SYNE2: variants seen among roughly 807,000 people sequenced by gnomAD.
SYNE2 encodes nesprin-2.
SYNE2 carries 431 observed loss-of-function variants against 856.3 expected under a neutral mutation model. The observed-to-expected ratio is 0.50, with a 90% confidence interval of 0.47 to 0.55. SYNE2 has a LOEUF of 0.55. SYNE2 is among the 20% of genes least tolerant of loss of function. SYNE2 has a pLI of 0.00. For missense variants in SYNE2, 8,129 were observed against 8,023.2 expected (o/e 1.01, Z -0.50); for synonymous variants, 2,923 against 2,872.3 (o/e 1.02, Z -0.56).
chr14:63,823,182 CT>C lies in SYNE2; in HGVS notation c.-304-29306del, dbSNP rs775294170. On this transcript the variant is annotated intron_variant, in intron 1 of 23. Coordinates refer to the SYNE2 transcript ENST00000674003. ...ACTTCTCAGCTGAAGTCTACCAAAT[CT>C]TTTTTTTTTTTTGAGACGGAGTTTC... 2.0e-3 allele frequency among the ~76,000 whole-genome samples: 293 copies of C among 144,020 alleles called. 1 individual carries two copies. Among genetic ancestry groups the C allele is most frequent in the South Asian group, 6.6e-3 (30 of 4,512 alleles). The allele number at this position is 144,020 out of a possible 152,430, so 94.5% of individuals were successfully genotyped here.
rs1199251112 is a variant in SYNE2 at position 64,002,836 on chromosome 14, A to G, written c.3903A>G (p.Ile1301Met). 3 of 1,614,198 alleles carry G rather than the reference A, an allele frequency of 1.9e-6. No homozygotes were observed. Among genetic ancestry groups the G allele is most frequent in the Admixed American group, 1.7e-5 (1 of 60,022 alleles). Residue 1301 changes from isoleucine to methionine, a missense_variant, in exon 30 of 116, where the codon ATA becomes ATG. This residue lies in a region of SYNE2 where 2,422 missense variants were observed against 2,357.4 expected (regional missense o/e 1.03). Coordinates refer to ENST00000555002, the MANE Select transcript of SYNE2 (RefSeq NM_182914.3). Reference protein sequence around the residue: ...PFDLHAMQNIILKYKTQFEGM... With the variant: ...PFDLHAMQNIMLKYKTQFEGM... ...ATCTACACGCAATGCAGAATATTATACTGAAATACAAAACACAATTTGAAG... is the reference window on the plus strand; with the variant it reads ...ATCTACACGCAATGCAGAATATTATGCTGAAATACAAAACACAATTTGAAG...
At chr14:63,810,831 A>T (rs1402707250) in intron 1 of SYNE2, among the ~76,000 whole-genome samples, 1 of 152,114 alleles carries the variant, frequency 6.6e-6, no homozygotes, top group Non-Finnish European at 1.5e-5. Context: ...AGAAAGTATT[A>T]GTGAGTATCC....
At chr14:63,927,119 A>G (rs1403843289) in intron 2 of SYNE2, among the ~76,000 whole-genome samples, 4 of 152,172 alleles carry the variant, frequency 2.6e-5, no homozygotes, top group African/African-American at 4.8e-5. Context: ...TCTGTTAAGG[A>G]TTTTGCTCAT....
chr14:63,967,931 G>A, intron 11 of SYNE2, 85 bp downstream of exon 11: 3 of 1,405,732 alleles, frequency 2.1e-6, no homozygotes, highest in Non-Finnish European at 3.0e-6. Context: ...GGGAGACCAA[G>A]GCGGGTGGAT....
intron 6 of SYNE2, among the ~76,000 whole-genome samples, chr14:63,945,312 A>G (rs2096009235): frequency 1.3e-5 from 2 of 151,938 alleles, no homozygotes; most frequent in Non-Finnish European, 2.9e-5. Flanking sequence ...TCTCCCAATC[A>G]CTGCCCTCCT....
chr14:63,842,891 A>G (rs1425471693), intron 1 of SYNE2, among the ~76,000 whole-genome samples: 1 of 152,132 alleles, frequency 6.6e-6, no homozygotes, highest in African/African-American at 2.4e-5. Flanking sequence ...TTTTTCTCAT[A>G]TAAGTCTGCA....
chr14:63,856,934 C>T (rs11158516), intron 1 of SYNE2, among the ~76,000 whole-genome samples: 95,769 of 151,796 alleles, frequency 0.63, 30,684 homozygotes, highest in South Asian at 0.76. Flanking sequence ...CATGCCTGGC[C>T]AACTGTGAAT....
At chr14:63,792,649 A>G (rs1169494986) in intron 1 of SYNE2, among the ~76,000 whole-genome samples, 1 of 107,160 alleles carries the variant, frequency 9.3e-6, no homozygotes, top group South Asian at 3.9e-4. Context: ...GGGATGTTTT[A>G]TTTATTTGTT....
At chr14:63,921,480 G>A (rs1170331519) in intron 2 of SYNE2, among the ~76,000 whole-genome samples, 5 of 152,174 alleles carry the variant, frequency 3.3e-5, no homozygotes, top group African/African-American at 1.2e-4. Context: ...CCGTAGCAGA[G>A]CTTGAGAAGG....
In SYNE2 at chr14:63,977,949, C is replaced by G; in HGVS notation, c.1338C>G (p.Thr446=). ...AGCATCATTCGAACATTCTCCTTAC[C>G]TTTGAAAATAAGGATGAAAATCACT... ...RFEHHSNILL[T]FENKDENHLP... The change falls in exon 13 of 116, where the codon ACC becomes ACG. Residue 446 remains threonine, a synonymous_variant. Coordinates refer to ENST00000555002, the MANE Select transcript of SYNE2 (RefSeq NM_182914.3). 4.3e-6 allele frequency: 7 copies of G among 1,613,906 alleles called. No homozygotes were observed. Among genetic ancestry groups the G allele is most frequent in the Non-Finnish European group, 5.9e-6 (7 of 1,179,868 alleles).
chr14:63,912,558 T>A (rs142100654), intron 2 of SYNE2, among the ~76,000 whole-genome samples: 91 of 152,312 alleles, frequency 6.0e-4, no homozygotes, highest in African/African-American at 2.0e-3. Context: ...AGAAAGTTTT[T>A]ATTTTTCTTT....
chr14:63,803,923 C>T (rs1217164988), intron 1 of SYNE2, among the ~76,000 whole-genome samples: 1 of 152,198 alleles, frequency 6.6e-6, no homozygotes, highest in Non-Finnish European at 1.5e-5. Flanking sequence ...GGGCAGATTT[C>T]CTCCTTGCTG....
intron 42 of SYNE2, among the ~76,000 whole-genome samples, 168 bp downstream of exon 42, chr14:64,026,898 C>T (rs771220378): frequency 6.6e-6 from 1 of 152,192 alleles, no homozygotes; most frequent in African/African-American, 2.4e-5. Flanking sequence ...ACCAGATAAC[C>T]TCATTATCTG....
At chr14:63,848,653 C>A (rs958137380), upstream of SYNE2, among the ~76,000 whole-genome samples, 2 of 152,146 alleles carry the variant, frequency 1.3e-5, no homozygotes, top group African/African-American at 4.8e-5. Flanking sequence ...ATACTTTAAG[C>A]CTTTAGTCTT....
At chr14:64,014,962 TATATATATATATACAC>T (rs1424190445) in intron 32 of SYNE2, among the ~76,000 whole-genome samples, 4 of 45,400 alleles carry the variant, frequency 8.8e-5, no homozygotes, top group Non-Finnish European at 1.9e-4. Context: ...TATATATATA[TATATATATATATACAC>T]ACACACACAC....
In SYNE2 at chr14:64,122,391, A is replaced by T. The variant is rs773568323; in HGVS notation, c.13386A>T (p.Lys4462Asn). ...ATCTGCATCATGAACTCTCATCAAA[A>T]ATAAAGCTCCCACTCCCTCAGCTTG... is the stretch of plus-strand genomic sequence containing the variant. ...WQYLHHELSSKIKLPLPQLVE... is the reference protein window; with the variant it reads ...WQYLHHELSSNIKLPLPQLVE... Residue 4462 changes from lysine to asparagine, a missense_variant, in exon 70 of 116, where the codon AAA (lysine) becomes AAT (asparagine). Physicochemically the swap from Lys to Asn is moderately conservative, Grantham distance 94. Coordinates refer to ENST00000555002, the MANE Select transcript of SYNE2 (RefSeq NM_182914.3). 6.2e-7 allele frequency: 1 copy of T among 1,614,202 alleles called. No individual in the cohort carries two copies. The highest frequency in any genetic ancestry group is 1.1e-5 in the South Asian group (1 of 91,084).
intron 19 of SYNE2, among the ~76,000 whole-genome samples, chr14:63,988,384 A>G (rs1407261318): frequency 6.6e-6 from 1 of 151,670 alleles, no homozygotes; most frequent in East Asian, 1.9e-4. Context: ...AGCTATAAAT[A>G]TTTTCTCTAC....
chr14:63,785,815 A>G (rs1887501189), intron 1 of SYNE2, among the ~76,000 whole-genome samples: 1 of 152,160 alleles, frequency 6.6e-6, no homozygotes, highest in African/African-American at 2.4e-5. Flanking sequence ...AGTTTTGTTA[A>G]GAAAAACAGC....
chr14:63,942,869 G>C (rs1196491835), intron 6 of SYNE2, among the ~76,000 whole-genome samples: 1 of 152,150 alleles, frequency 6.6e-6, no homozygotes, highest in Non-Finnish European at 1.5e-5. Flanking sequence ...GACCTCAGGT[G>C]ATCTGCCTGC....
Sources: allele counts gnomAD v4.1 joint callset (sites outside exome capture counted in the v4.1 genomes callset), GRCh38; gene constraint gnomAD v4.1.1; regional missense constraint gnomAD v4.1.1; transcripts MANE v1.5; gene names NCBI Gene and HGNC (gene_info 2026-07-23, HGNC 2026-07-21).